RASSF3: variants seen among roughly 807,000 people sequenced by gnomAD.
The protein encoded by RASSF3 is ras association domain-containing protein 3.
Under a neutral mutation model 19.9 loss-of-function variants are expected in RASSF3, and 19 were observed. The ratio of observed to expected loss-of-function variants is 0.96; its 90% CI spans 0.67 to 1.40. The LOEUF (loss-of-function observed/expected upper bound fraction) is 1.40, where lower values mean the gene tolerates loss of function less well. RASSF3 is among the 40% of genes most tolerant of loss of function. RASSF3 has a pLI of 0.00. For synonymous variants in RASSF3, 110 were observed against 104.2 expected, an observed-to-expected ratio of 1.06 and a Z score of -0.34; for missense variants, 306 against 289.8, an observed-to-expected ratio of 1.06 and a Z score of -0.41.
At chr12:64,508,856 A>G (rs901943381) in intron 1 of RASSF3, among the ~76,000 whole-genome samples, 14 of 152,176 alleles carry the variant, frequency 9.2e-5, no homozygotes, top group African/African-American at 2.4e-4. Flanking sequence ...ATTGCACTCC[A>G]GCCTAGGCAA....
chr12:64,524,223 TTTA>T (rs1490154770), intron 1 of RASSF3, among the ~76,000 whole-genome samples: 28 of 30,138 alleles, frequency 9.3e-4, no homozygotes, highest in African/African-American at 3.7e-3. Flanking sequence ...GGCAATTTTA[TTTA>T]TTTATTTATT....
chr12:64,688,598 C>T, intron 3 of RASSF3, 145 bp downstream of exon 3: 3 of 704,536 alleles, frequency 4.3e-6, no homozygotes, highest in Non-Finnish European at 7.5e-6. Context: ...GTGATCTTAG[C>T]ATGCACTTAG....
At chr12:64,598,292 G>A (rs1020618837) in intron 2 of RASSF3, among the ~76,000 whole-genome samples, 1 of 152,032 alleles carries the variant, frequency 6.6e-6, no homozygotes, top group Non-Finnish European at 1.5e-5. Context: ...TTATTGATTG[G>A]GTAATCACAG....
At chr12:64,548,908 G>T (rs895758063) in intron 2 of RASSF3, among the ~76,000 whole-genome samples, 11 of 152,178 alleles carry the variant, frequency 7.2e-5, no homozygotes, top group Non-Finnish European at 4.4e-5. Context: ...AGACTCAGAG[G>T]TTAGTAATTT....
chr12:64,531,092 G>T (rs746582603), upstream of RASSF3, among the ~76,000 whole-genome samples: 9 of 151,872 alleles, frequency 5.9e-5, no homozygotes, highest in Non-Finnish European at 1.3e-4. Context: ...TTGTGCTTTT[G>T]TCATCTTACC....
In RASSF3 at chr12:64,556,180, G is replaced by T. The variant is rs79291924; in HGVS notation, c.294+14475G>T. ...CTAAAAAGACCTTGAGTGGGGAGTG[G>T]AAAGGATCTCACTCTGTCACCCAGG... On this transcript the variant is annotated intron_variant, in intron 2 of 5. Transcript: ENST00000637125. 2.4e-3 allele frequency among the ~76,000 whole-genome samples: 363 copies of T among 152,208 alleles called. 2 individuals are homozygous for T. Among genetic ancestry groups the T allele is most frequent in the African/African-American group, 8.3e-3 (345 of 41,532 alleles).
chr12:64,577,130 A>AT (rs562779457), intron 2 of RASSF3, among the ~76,000 whole-genome samples: 6 of 152,246 alleles, frequency 3.9e-5, no homozygotes, highest in Admixed American at 2.0e-4. Context: ...GAGAAATCCT[A>AT]TTTTTTCCAA....
intron 1 of RASSF3, among the ~76,000 whole-genome samples, chr12:64,535,797 C>T (rs1158314748): frequency 2.0e-5 from 3 of 151,106 alleles, no homozygotes; most frequent in African/African-American, 4.9e-5. Context: ...CAGTGATTCT[C>T]CTGCCCCAGC....
intron 1 of RASSF3, among the ~76,000 whole-genome samples, chr12:64,527,416 C>G (rs1460416884): frequency 1.3e-5 from 2 of 152,214 alleles, no homozygotes; most frequent in Non-Finnish European, 2.9e-5. Context: ...ATAAAGTACA[C>G]TAATATGGCA....
intron 2 of RASSF3, among the ~76,000 whole-genome samples, chr12:64,588,667 A>G (rs938060691): frequency 6.6e-6 from 1 of 152,152 alleles, no homozygotes. Context: ...TTCATAAACA[A>G]TATGGTATAT....
intron 2 of RASSF3, among the ~76,000 whole-genome samples, chr12:64,605,004 T>A (rs1190564990): frequency 6.7e-6 from 1 of 149,244 alleles, no homozygotes; most frequent in African/African-American, 2.5e-5. Flanking sequence ...ATTTTTTTTT[T>A]AGGCAGAGCC....
intron 2 of RASSF3, among the ~76,000 whole-genome samples, chr12:64,572,748 CAG>C (rs1027672881): frequency 2.6e-5 from 4 of 152,158 alleles, no homozygotes; most frequent in African/African-American, 9.7e-5. Context: ...GATGAAGAAA[CAG>C]AGGTTACATT....
chr12:64,583,818 A>G (rs1869744549), intron 2 of RASSF3, among the ~76,000 whole-genome samples: 1 of 152,160 alleles, frequency 6.6e-6, no homozygotes. Flanking sequence ...AATCACGTCC[A>G]CTTCCTGTTT....
chr12:64,647,742 G>A (rs1162637210), intron 1 of RASSF3, among the ~76,000 whole-genome samples: 1 of 151,792 alleles, frequency 6.6e-6, no homozygotes, highest in Non-Finnish European at 1.5e-5. Flanking sequence ...TAGAGACAGG[G>A]TTTTGCCCTG....
intron 2 of RASSF3, 78 bp from the exon 3 acceptor site, chr12:64,688,138 C>T: frequency 1.1e-6 from 1 of 950,796 alleles, no homozygotes; most frequent in Non-Finnish European, 1.7e-6. Context: ...TTTCACCTTC[C>T]CGTTTTGTTT....
At chr12:64,691,655 G>A in intron 4 of RASSF3, 76 bp downstream of exon 4, 2 of 440,076 alleles carry the variant, frequency 4.5e-6, no homozygotes, top group South Asian at 3.8e-5. Flanking sequence ...CTAGTGACTT[G>A]GCTATTGATG....
chr12:64,522,187 G>A (rs1328827658), intron 1 of RASSF3, among the ~76,000 whole-genome samples: 1 of 152,104 alleles, frequency 6.6e-6, no homozygotes, highest in Non-Finnish European at 1.5e-5. Flanking sequence ...GAACATCTTT[G>A]AAAATATCAA....
chr12:64,520,993 C>G (rs1289299527), intron 1 of RASSF3, among the ~76,000 whole-genome samples: 1 of 152,104 alleles, frequency 6.6e-6, no homozygotes, highest in East Asian at 1.9e-4. Flanking sequence ...ATGGACTAAG[C>G]CACATTTACG....
rs1282742776 is a variant in RASSF3, at chr12:64,695,571, G to C, written c.*659G>C. ...GTAGTGGAGAAAGGGGTAGTTGCTT[G>C]TAAACGAGTTAAAAGCATTCAGTGT... On this transcript the variant is annotated 3_prime_UTR_variant, in exon 5 of 5. Coordinates refer to ENST00000542104, the MANE Select transcript of RASSF3 (RefSeq NM_178169.4). The C allele has an allele frequency of 6.6e-6, 1 of 152,630 alleles. No individual in the cohort carries two copies. The highest frequency in any genetic ancestry group is 1.5e-5 in the Non-Finnish European group (1 of 68,158). 9.5% of individuals were successfully genotyped at this position (152,630 alleles called of 1,614,324 possible).
Sources: allele counts gnomAD v4.1 joint callset (sites outside exome capture counted in the v4.1 genomes callset), GRCh38; gene constraint gnomAD v4.1.1; transcripts MANE v1.5; gene names NCBI Gene and HGNC (gene_info 2026-07-23, HGNC 2026-07-21).